UCHL5: variants seen among roughly 807,000 people sequenced by gnomAD.
The protein encoded by UCHL5 is ubiquitin C-terminal hydrolase L5, also known as ubiquitin carboxyl-terminal hydrolase isozyme L5.
UCHL5 carries 34 observed loss-of-function variants against 53.8 expected under a neutral mutation model. The ratio of observed to expected loss-of-function variants is 0.63; its 90% CI spans 0.48 to 0.84. UCHL5 has a LOEUF of 0.84. UCHL5 is among the 40% of genes least tolerant of loss of function. The probability of loss-of-function intolerance (pLI) is 0.00; values close to 1 mark genes in which losing one functional copy is unlikely to be tolerated. For synonymous variants in UCHL5, 111 were observed against 126.3 expected, an observed-to-expected ratio of 0.88 and a Z score of 0.81; for missense variants, 290 against 385.6, an observed-to-expected ratio of 0.75 and a Z score of 2.08.
intron 3 of UCHL5, among the ~76,000 whole-genome samples, chr1:193,040,646 G>A (rs781032559): frequency 1.3e-5 from 2 of 152,178 alleles, no homozygotes; most frequent in Non-Finnish European, 2.9e-5. Flanking sequence ...TGGGTATACA[G>A]ATCCGAAAGA....
At chr1:193,027,867 A>G in intron 7 of UCHL5, 1 of 1,460,728 alleles carries the variant, frequency 6.8e-7, no homozygotes, top group Non-Finnish European at 9.1e-7. Context: ...TCACGCCTGT[A>G]ATCCTACCAC....
chr1:193,029,462 T>A lies in UCHL5; in HGVS notation c.373-13A>T. 6.2e-7 allele frequency: 1 copy of A among 1,613,526 alleles called. No individual in the cohort carries two copies. Among genetic ancestry groups the A allele is most frequent in the Non-Finnish European group, 8.5e-7 (1 of 1,179,760 alleles). On this transcript the variant is annotated splice_polypyrimidine_tract_variant and intron_variant, in intron 4 of 10. Transcript: ENST00000367454. ...CCAAGCCTTTCATCTAAAATAATTTTTTAAAGTAGCCTATTAATATACAAA... is the reference window on the plus strand; with the variant it reads ...CCAAGCCTTTCATCTAAAATAATTTATTAAAGTAGCCTATTAATATACAAA...
At chr1:193,036,501 GTATAAA>G (rs1186971334) in intron 3 of UCHL5, among the ~76,000 whole-genome samples, 1 of 151,868 alleles carries the variant, frequency 6.6e-6, no homozygotes, top group African/African-American at 2.4e-5. Flanking sequence ...GTTCCCAAGT[GTATAAA>G]TATAAAGCAA....
rs182284543 is a variant in UCHL5 at position 193,035,104 on chromosome 1, C to T, written c.247-5447G>A. ...GAAATAAAACTATCATTATTTATAC[C>T]TGATATGGTCATTTTGATAAAAACA... On this transcript the variant is annotated intron_variant, in intron 3 of 10. Coordinates refer to ENST00000367454, the MANE Select transcript of UCHL5 (RefSeq NM_001199261.3). Among the ~76,000 whole-genome samples, 10 of 151,378 alleles carry T rather than the reference C, an allele frequency of 6.6e-5. No individual in the cohort carries two copies. The East Asian group carries it at 1.4e-3, about 21-fold the overall frequency.
At chr1:193,051,948 C>T in intron 1 of UCHL5, 131 bp from the exon 2 acceptor site, 4 of 606,302 alleles carry the variant, frequency 6.6e-6, no homozygotes, top group Non-Finnish European at 1.2e-5. Context: ...AGCTCACAGC[C>T]AAATCTCATT....
At chr1:193,058,647 T>A (rs774954220) in intron 1 of UCHL5, among the ~76,000 whole-genome samples, 72 of 152,226 alleles carry the variant, frequency 4.7e-4, no homozygotes, top group Non-Finnish European at 9.0e-4. Flanking sequence ...GCCCACGCAG[T>A]CAGCGTGTGT....
chr1:193,016,135 A>C lies in UCHL5; in HGVS notation c.*216T>G. ...AATGTCAAATAATGGAATTTGGGAAAGCATTCTTAATATCACTTTCATTTA... is the reference window on the plus strand; with the variant it reads ...AATGTCAAATAATGGAATTTGGGAACGCATTCTTAATATCACTTTCATTTA... On this transcript the variant is annotated 3_prime_UTR_variant, in exon 11 of 11. Coordinates refer to ENST00000367454, the MANE Select transcript of UCHL5 (RefSeq NM_001199261.3). The C allele has an allele frequency of 1.3e-5, 6 of 466,544 alleles. No individual in the cohort carries two copies. The allele number at this position is 466,544 out of a possible 1,614,324, so 28.9% of individuals were successfully genotyped here.
chr1:193,027,137 T>C (rs1659568307), intron 7 of UCHL5, among the ~76,000 whole-genome samples: 4 of 152,312 alleles, frequency 2.6e-5, no homozygotes, highest in East Asian at 1.9e-4. Context: ...GGGATCTTTG[T>C]GGAGAGCAAA....
chr1:193,059,402 G>A, upstream of UCHL5: 1 of 1,610,170 alleles, frequency 6.2e-7, no homozygotes, highest in Non-Finnish European at 8.5e-7. This position sits in a 1 kb window ranked among gnomAD's most constrained non-coding sequence, Gnocchi z 4.9. Flanking sequence ...ACAGCCTCCG[G>A]GCGCCGTCAC....
chr1:193,059,734 C>T (rs1421259823), upstream of UCHL5: 1 of 1,352,350 alleles, frequency 7.4e-7, no homozygotes, highest in African/African-American at 1.5e-5. This position sits in a 1 kb window ranked among gnomAD's most constrained non-coding sequence, Gnocchi z 4.9. Flanking sequence ...CAGGACTTCT[C>T]CTGGCGGCGC....
At chr1:193,038,396 A>C (rs555329516) in intron 3 of UCHL5, among the ~76,000 whole-genome samples, 4 of 149,226 alleles carry the variant, frequency 2.7e-5, no homozygotes, top group African/African-American at 9.9e-5. Context: ...CGGAGCTTGC[A>C]GTGAGCCGAG....
upstream of UCHL5, chr1:193,059,634 T>C: frequency 7.2e-7 from 1 of 1,398,328 alleles, no homozygotes. This position sits in a 1 kb window ranked among gnomAD's most constrained non-coding sequence, Gnocchi z 4.9. Flanking sequence ...GAACCGAACC[T>C]GGAATCCCCG....
At chr1:193,045,338 A>G (rs1364011672) in intron 3 of UCHL5, among the ~76,000 whole-genome samples, 1 of 152,186 alleles carries the variant, frequency 6.6e-6, no homozygotes, top group Non-Finnish European at 1.5e-5. Flanking sequence ...GTAATCCCCA[A>G]TGCTGAAGGT....
chr1:193,031,720 T>C (rs1571628823), intron 3 of UCHL5, among the ~76,000 whole-genome samples: 1 of 152,304 alleles, frequency 6.6e-6, no homozygotes, highest in South Asian at 2.1e-4. Flanking sequence ...GACATTGTAA[T>C]AAAGGCTGAA....
intron 1 of UCHL5, chr1:193,057,562 CAAT>C (rs1239825108): frequency 6.6e-6 from 1 of 152,172 alleles, no homozygotes; most frequent in Non-Finnish European, 1.5e-5. Context: ...CTTAAAAGCA[CAAT>C]AAACCTTAAT....
chr1:193,022,991 G>C lies in UCHL5; in HGVS notation c.778C>G (p.Gln260Glu). The stretch of plus-strand genomic sequence containing the variant: ...ATCTGATTTTTGGCAACTTCTGACT[G>C]AATAGCACTTAACATACTATTACCT... ...DQGNSMLSAIQSEVAKNQMLI... is the reference protein window; with the variant it reads ...DQGNSMLSAIESEVAKNQMLI... The change falls in exon 9 of 11, where the codon CAG becomes GAG. Residue 260 changes from glutamine to glutamate, a missense_variant. Coordinates refer to ENST00000367454, the MANE Select transcript of UCHL5 (RefSeq NM_001199261.3). 1 of 1,613,340 alleles carries C rather than the reference G, an allele frequency of 6.2e-7. No homozygotes were observed. The highest frequency in any genetic ancestry group is 8.5e-7 in the Non-Finnish European group (1 of 1,179,632).
chr1:193,050,903 TATGCCACC>T (rs957786421), intron 2 of UCHL5, among the ~76,000 whole-genome samples: 1 of 152,160 alleles, frequency 6.6e-6, no homozygotes, highest in Non-Finnish European at 1.5e-5. Context: ...ACTACAGGCA[TATGCCACC>T]ATGCCTGGCT....
chr1:193,017,582 G>A (rs544864279), intron 10 of UCHL5, among the ~76,000 whole-genome samples: 17 of 151,398 alleles, frequency 1.1e-4, no homozygotes, highest in African/African-American at 1.5e-4. Flanking sequence ...TTTGGTTTTA[G>A]GCATAATTTA....
At chr1:193,038,874 T>C (rs1438238372) in intron 3 of UCHL5, among the ~76,000 whole-genome samples, 1 of 152,132 alleles carries the variant, frequency 6.6e-6, no homozygotes, top group East Asian at 1.9e-4. Flanking sequence ...TGCACACTTG[T>C]AGTCTTAGCT....
Sources: allele counts gnomAD v4.1 joint callset (sites outside exome capture counted in the v4.1 genomes callset), GRCh38; gene constraint gnomAD v4.1.1; non-coding constraint Gnocchi (gnomAD v3.1); transcripts MANE v1.5; gene names NCBI Gene and HGNC (gene_info 2026-07-23, HGNC 2026-07-21).